Variants in SCAPER observed in about 807,000 individuals in gnomAD.
The protein encoded by SCAPER is S phase cyclin A-associated protein in the endoplasmic reticulum.
In SCAPER, 98 loss-of-function variants were observed where a neutral mutation model predicts 182.2. The ratio of observed to expected loss-of-function variants is 0.54; its 90% CI spans 0.46 to 0.64. SCAPER has a LOEUF of 0.64. Ranked by LOEUF, SCAPER falls within the 30% of genes least tolerant of loss-of-function variation. The pLI is 0.00. For synonymous variants in SCAPER, 605 were observed against 564.6 expected, an observed-to-expected ratio of 1.07 and a Z score of -1.01; for missense variants, 1,432 against 1,690.0, an observed-to-expected ratio of 0.85 and a Z score of 2.68.
chr15:76,835,513 C>T (rs141410861), intron 5 of SCAPER, among the ~76,000 whole-genome samples: 99 of 152,218 alleles, frequency 6.5e-4, no homozygotes, highest in African/African-American at 2.2e-3. Context: ...GTTAAAAACC[C>T]TCAACAAACT....
rs10524497 is a variant in SCAPER at position 76,370,291 on chromosome 15, ATTTTTTTT to A, written c.3855+5863_3855+5870del. ...GTATAACATATAATTTACCATTTCA[ATTTTTTTT>A]TTTTTTTTTTTTTTTTTGTTTTAAA... On this transcript the variant is annotated intron_variant, in intron 29 of 31. Coordinates refer to ENST00000563290, the MANE Select transcript of SCAPER (RefSeq NM_020843.4). Among the ~76,000 whole-genome samples the A allele has an allele frequency of 1.2e-3, 139 of 119,456 alleles. 4 individuals are homozygous for A. Among genetic ancestry groups the A allele is most frequent in the African/African-American group, 4.9e-3 (133 of 27,216 alleles). 78.4% of individuals were successfully genotyped at this position (119,456 alleles called of 152,430 possible). A position where few individuals can be genotyped will look rare whatever the true frequency, so the allele number is the denominator to read the frequency against.
intron 15 of SCAPER, among the ~76,000 whole-genome samples, chr15:76,741,614 G>A (rs2061542420): frequency 6.6e-6 from 1 of 152,072 alleles, no homozygotes; most frequent in African/African-American, 2.4e-5. Context: ...GCAGGTGTAT[G>A]TATACATAGG....
chr15:76,370,373 C>T (rs544213992), intron 29 of SCAPER, among the ~76,000 whole-genome samples: 29 of 143,080 alleles, frequency 2.0e-4, no homozygotes, highest in Non-Finnish European at 3.7e-4. Context: ...GGCATGATCT[C>T]GGCTCACTGC....
chr15:76,510,843 G>A (rs991046491), intron 23 of SCAPER, among the ~76,000 whole-genome samples: 2 of 151,130 alleles, frequency 1.3e-5, no homozygotes, highest in African/African-American at 4.9e-5. Context: ...ATCAACAAGT[G>A]GATAAAGAAA....
chr15:76,553,225 A>G (rs2045924524), intron 23 of SCAPER, among the ~76,000 whole-genome samples: 1 of 152,218 alleles, frequency 6.6e-6, no homozygotes, highest in Non-Finnish European at 1.5e-5. Context: ...CACGTAGAGC[A>G]TGCTGCTGCA....
chr15:76,552,909 C>T (rs35622685), intron 23 of SCAPER, among the ~76,000 whole-genome samples: 1 of 152,210 alleles, frequency 6.6e-6, no homozygotes, highest in African/African-American at 2.4e-5. Flanking sequence ...TGCCTTCTTA[C>T]TGGGCCGCTT....
chr15:76,610,794 A>T (rs1325738131), intron 22 of SCAPER, among the ~76,000 whole-genome samples: 1 of 152,232 alleles, frequency 6.6e-6, no homozygotes, highest in African/African-American at 2.4e-5. Flanking sequence ...AAATAAATAG[A>T]TACCCCATGT....
chr15:76,694,503 C>G (rs1312685409), intron 20 of SCAPER, among the ~76,000 whole-genome samples: 2 of 151,954 alleles, frequency 1.3e-5, no homozygotes, highest in East Asian at 3.9e-4. Context: ...TGAATATACA[C>G]AATTTCTGTA....
rs552192867 is a variant in SCAPER, at chr15:76,768,624, C to A, written c.1249-1536G>T. On this transcript the variant is annotated intron_variant, in intron 10 of 31. Transcript: ENST00000563290. ...TGATTATGGAGAATATACTAAAAAACAACAGTAAACTTCAAACAGATGGAT... is the reference window on the plus strand; with the variant it reads ...TGATTATGGAGAATATACTAAAAAAAAACAGTAAACTTCAAACAGATGGAT... 2.0e-5 allele frequency among the ~76,000 whole-genome samples: 3 copies of A among 151,874 alleles called. No homozygotes were observed. The South Asian group carries it at 6.2e-4, about 32-fold the overall frequency.
Position 76,594,074 on chromosome 15 carries a change from C to A in SCAPER, c.2712-19790G>T, listed in dbSNP as rs2049325691. On this transcript the variant is annotated intron_variant, in intron 22 of 31. Transcript: ENST00000563290. ...AACCGAATGCAAGGAAGCTAAGAACCTTGAAAAAAGGTTAGAGGAATTGCT... is the reference window on the plus strand; with the variant it reads ...AACCGAATGCAAGGAAGCTAAGAACATTGAAAAAAGGTTAGAGGAATTGCT... Among the ~76,000 whole-genome samples, 6 of 119,462 alleles carry A rather than the reference C, an allele frequency of 5.0e-5. No homozygotes were observed. The South Asian group carries it at 1.6e-3, about 31-fold the overall frequency. The allele number at this position is 119,462 out of a possible 152,430, so 78.4% of individuals were successfully genotyped here.
rs557969885 is a variant in SCAPER, at chr15:76,784,332, C to G, written c.773-9215G>C. Among the ~76,000 whole-genome samples, 87 of 152,152 alleles carry G rather than the reference C, an allele frequency of 5.7e-4. 4 individuals are homozygous for G. The South Asian group carries it at 0.017, about 30-fold the overall frequency. ...ACCTAGGAAACCAACTTACAAGGGA[C>G]GTGAAGGATCTCTTCAAGGAGAACC... On this transcript the variant is annotated intron_variant, in intron 8 of 31. Transcript: ENST00000563290.
At chr15:76,840,865 C>T (rs1457645011) in intron 5 of SCAPER, among the ~76,000 whole-genome samples, 2 of 152,142 alleles carry the variant, frequency 1.3e-5, no homozygotes, top group African/African-American at 4.8e-5. Context: ...ACTACAAACA[C>T]AAGATTATTT....
intron 17 of SCAPER, among the ~76,000 whole-genome samples, chr15:76,707,079 T>C (rs777663648): frequency 3.3e-5 from 5 of 151,958 alleles, no homozygotes; most frequent in Non-Finnish European, 7.4e-5. Flanking sequence ...TAATTTAGTT[T>C]TATCCTGAAG....
intron 7 of SCAPER, among the ~76,000 whole-genome samples, chr15:76,799,386 C>A: frequency 6.6e-6 from 1 of 150,790 alleles, no homozygotes; most frequent in Non-Finnish European, 1.5e-5. Context: ...GCCCCCGCCC[C>A]CAAATAGCTG....
chr15:76,875,751 C>T (rs766855925), intron 2 of SCAPER, among the ~76,000 whole-genome samples: 16 of 152,182 alleles, frequency 1.1e-4, no homozygotes, highest in Non-Finnish European at 1.9e-4. Context: ...CTGGTGGGTT[C>T]GTGGTCTCGC....
At chr15:76,472,929 C>T (rs2050306882) in intron 24 of SCAPER, among the ~76,000 whole-genome samples, 1 of 152,144 alleles carries the variant, frequency 6.6e-6, no homozygotes, top group East Asian at 1.9e-4. Context: ...AGACTTAACT[C>T]CCTTAAACCC....
At chr15:76,857,666 A>G in intron 4 of SCAPER, 143 bp downstream of exon 4, 1 of 583,164 alleles carries the variant, frequency 1.7e-6, no homozygotes, top group Non-Finnish European at 2.9e-6. Context: ...ATTACCATAT[A>G]CACATTTGTT....
rs559855778 is a variant in SCAPER, at chr15:76,508,193, T to A, written c.2839-3219A>T. ...CTTTACCCAACTGTGTCTAGCTTTT[T>A]TTGGTTGATTGCTTATTTCTAAATT... On this transcript the variant is annotated intron_variant, in intron 23 of 31. Transcript: ENST00000563290. Among the ~76,000 whole-genome samples the A allele has an allele frequency of 1.1e-3, 162 of 152,318 alleles. 1 individual carries two copies. The highest frequency in any genetic ancestry group is 3.4e-3 in the Middle Eastern group (1 of 294).
chr15:76,436,622 G>T (rs994425398), intron 25 of SCAPER, among the ~76,000 whole-genome samples: 22 of 151,456 alleles, frequency 1.5e-4, no homozygotes, highest in African/African-American at 5.1e-4. Context: ...CTTTTTAAAA[G>T]ATTTTTTTTT....
Sources: gnomAD v4.1 joint callset for allele counts (sites outside exome capture counted in the v4.1 genomes callset) on GRCh38, gnomAD v4.1.1 for gene constraint, MANE v1.5 for transcripts, NCBI Gene and HGNC (gene_info 2026-07-23, HGNC 2026-07-21) for gene names.